Variants in SLC2A14 observed in about 807,000 individuals in gnomAD.
SLC2A14 encodes solute carrier family 2, facilitated glucose transporter member 14.
In SLC2A14, 13 loss-of-function variants were observed where a neutral mutation model predicts 43.0. The ratio of observed to expected loss-of-function variants is 0.30; its 90% CI spans 0.20 to 0.48. The LOEUF is 0.48. Ranked by LOEUF, SLC2A14 falls within the 20% of genes least tolerant of loss-of-function variation. The pLI is 0.99. For missense variants in SLC2A14, 428 were observed against 620.4 expected, an observed-to-expected ratio of 0.69 and a Z score of 3.29; for synonymous variants, 190 against 233.8, an observed-to-expected ratio of 0.81 and a Z score of 1.71.
intron 1 of SLC2A14, chr12:7,871,950 T>A: frequency 1.0e-6 from 1 of 979,610 alleles, no homozygotes; most frequent in Non-Finnish European, 1.2e-6. Flanking sequence ...AATAGAGGGC[T>A]GAGCATGGAA....
Position 7,832,578 on chromosome 12 carries a change from T to C in SLC2A14, c.111+144A>G, listed in dbSNP as rs769088426. ...ATGGTGTTTAACTCCTGGGCTCAAG[T>C]GATCTTTAAGCCTCAGCCTCCGGAG... On this transcript the variant is annotated intron_variant, in intron 3 of 10. Coordinates refer to ENST00000431042, the MANE Select transcript of SLC2A14 (RefSeq NM_001286234.2). 6.2e-5 allele frequency: 50 copies of C among 807,722 alleles called. 2 individuals are homozygous for C. Among genetic ancestry groups the C allele is most frequent in the Non-Finnish European group, 9.2e-5 (47 of 509,214 alleles). 50.0% of individuals were successfully genotyped at this position (807,722 alleles called of 1,614,324 possible). A position where few individuals can be genotyped will look rare whatever the true frequency, so the allele number is the denominator to read the frequency against.
chr12:7,871,085 C>T, intron 1 of SLC2A14: 1 of 1,367,882 alleles, frequency 7.3e-7, no homozygotes, highest in Non-Finnish European at 9.7e-7. Context: ...ATGAGCGAGG[C>T]CCCAGGGCCC....
At chr12:7,818,168 C>G in intron 9 of SLC2A14, 134 bp from the exon 10 acceptor site, 1 of 804,402 alleles carries the variant, frequency 1.2e-6, no homozygotes, top group Non-Finnish European at 1.9e-6. Flanking sequence ...AATCAAAAGG[C>G]TTGGATTTAT....
chr12:7,855,394 G>C (rs1300444166), intron 2 of SLC2A14, among the ~76,000 whole-genome samples: 1 of 152,034 alleles, frequency 6.6e-6, no homozygotes, highest in Admixed American at 6.6e-5. Context: ...TCCTGCCTCA[G>C]CCTCCAAAAG....
At chr12:7,815,435 G>A (rs1863352896) in intron 10 of SLC2A14, among the ~76,000 whole-genome samples, 1 of 151,950 alleles carries the variant, frequency 6.6e-6, no homozygotes, top group Non-Finnish European at 1.5e-5. Context: ...AAAATGAATG[G>A]TTCCCAGTTT....
intron 1 of SLC2A14, among the ~76,000 whole-genome samples, chr12:7,882,630 G>A (rs1228133970): frequency 1.3e-5 from 2 of 152,054 alleles, no homozygotes; most frequent in African/African-American, 2.4e-5. Flanking sequence ...TGAGCTCAGG[G>A]GTTAAAGACC....
intron 2 of SLC2A14, chr12:7,850,832 T>TTAGGGC (rs1448464919): frequency 2.6e-5 from 4 of 152,200 alleles, no homozygotes; most frequent in African/African-American, 9.6e-5. Context: ...AAGGAAAATC[T>TTAGGGC]TAGGGCTTTT....
chr12:7,817,777 T>TAGATAGATAGATAGATAGATAGATAGAC, intron 10 of SLC2A14, 54 bp downstream of exon 10: 4 of 1,587,308 alleles, frequency 2.5e-6, no homozygotes, highest in Non-Finnish European at 3.4e-6. Flanking sequence ...GATAGATAGA[T>TAGATAGATAGATAGATAGATAGATAGAC]AGACAGATAC....
intron 2 of SLC2A14, among the ~76,000 whole-genome samples, chr12:7,842,176 A>G (rs1388699303): frequency 6.6e-6 from 1 of 152,054 alleles, no homozygotes; most frequent in Admixed American, 6.6e-5. Flanking sequence ...TATTTCACTT[A>G]GTGATATTCA....
rs1866888843 is a variant in SLC2A14 at position 7,850,922 on chromosome 12, C to T, written c.19-18108G>A. 3 of 152,278 alleles carry T rather than the reference C, an allele frequency of 2.0e-5. No homozygotes were observed. The South Asian group carries it at 6.2e-4, about 32-fold the overall frequency. 9.4% of individuals were successfully genotyped at this position (152,278 alleles called of 1,614,324 possible). Reference sequence around the variant, plus strand: ...CTCTTTTATCCTAGATGCTTTGCCTCAGTTAAAATGTTTTTTCTTGGTCTG... The same window carrying T: ...CTCTTTTATCCTAGATGCTTTGCCTTAGTTAAAATGTTTTTTCTTGGTCTG... On this transcript the variant is annotated intron_variant, in intron 2 of 10. Coordinates refer to ENST00000431042, the MANE Select transcript of SLC2A14 (RefSeq NM_001286234.2).
At chr12:7,817,686 G>A (rs1863573832) in intron 10 of SLC2A14, 145 bp downstream of exon 10, 1 of 985,472 alleles carries the variant, frequency 1.0e-6, no homozygotes, top group South Asian at 1.9e-5. Context: ...AGAATCGCTT[G>A]TCAGTGAGCT....
At chr12:7,831,912 C>G (rs1865066144) in intron 3 of SLC2A14, 148 bp from the exon 4 acceptor site, 20 of 861,708 alleles carry the variant, frequency 2.3e-5, no homozygotes, top group Non-Finnish European at 3.4e-5. Flanking sequence ...AGTTGCAGAC[C>G]AACCTGACCA....
chr12:7,874,837 ATACG>A (rs369160764), upstream of SLC2A14, among the ~76,000 whole-genome samples: 1 of 86,548 alleles, frequency 1.2e-5, no homozygotes, highest in East Asian at 5.1e-4. Context: ...TTATATATAA[ATACG>A]TATTTATATA....
intron 1 of SLC2A14, among the ~76,000 whole-genome samples, chr12:7,882,613 G>A (rs1022417267): frequency 6.6e-6 from 1 of 152,094 alleles, no homozygotes; most frequent in Admixed American, 6.6e-5. Context: ...CAGGCACGTG[G>A]ATCACTTGAG....
intron 2 of SLC2A14, among the ~76,000 whole-genome samples, chr12:7,861,684 C>T (rs192337024): frequency 6.6e-6 from 1 of 152,144 alleles, no homozygotes; most frequent in Non-Finnish European, 1.5e-5. Context: ...AAAAACAGGC[C>T]ATGCGCGGAG....
At chr12:7,826,865 C>CCT (rs1864434233) in intron 7 of SLC2A14, among the ~76,000 whole-genome samples, 5 of 15,454 alleles carry the variant, frequency 3.2e-4, no homozygotes, top group Admixed American at 5.6e-4. Context: ...TTTCTTTTTT[C>CCT]TTTCTTTCTT....
At chr12:7,833,487 C>G (rs528675766) in intron 2 of SLC2A14, among the ~76,000 whole-genome samples, 1 of 152,192 alleles carries the variant, frequency 6.6e-6, no homozygotes, top group Non-Finnish European at 1.5e-5. Context: ...ACATTTCTGG[C>G]CGGGCACGGT....
chr12:7,827,478 T>G lies in SLC2A14; in HGVS notation c.864+17A>C. 1.2e-6 allele frequency: 2 copies of G among 1,610,506 alleles called. No individual in the cohort carries two copies. Among genetic ancestry groups the G allele is most frequent in the Non-Finnish European group, 1.7e-6 (2 of 1,178,830 alleles). ...AAATATTGTAAGACACGTTTGACCC[T>G]AAAGTATCACACTCACAGCATTGAT... On this transcript the variant is annotated intron_variant, in intron 7 of 10. Coordinates refer to ENST00000431042, the MANE Select transcript of SLC2A14 (RefSeq NM_001286234.2).
intron 2 of SLC2A14, chr12:7,863,325 G>A: frequency 4.4e-6 from 2 of 451,724 alleles, no homozygotes; most frequent in South Asian, 1.6e-5. Context: ...AACATCAGAA[G>A]GGAGGGACTC....
Sources: gnomAD v4.1 joint callset for allele counts (sites outside exome capture counted in the v4.1 genomes callset) on GRCh38, gnomAD v4.1.1 for gene constraint, MANE v1.5 for transcripts, NCBI Gene and HGNC (gene_info 2026-07-23, HGNC 2026-07-21) for gene names.